ASPH: variants seen among roughly 807,000 people sequenced by gnomAD.
ASPH encodes the protein aspartyl/asparaginyl beta-hydroxylase.
Under a neutral mutation model 118.4 loss-of-function variants are expected in ASPH, and 100 were observed. The observed-to-expected ratio is 0.84, with a 90% CI of 0.72 to 1.00. ASPH has a LOEUF of 1.00. Among genes scored for constraint, ASPH ranks in the 50% least tolerant of loss-of-function variants. ASPH has a pLI of 0.00. For missense variants in ASPH, 920 were observed against 919.5 expected (o/e 1.00, Z -0.01); for synonymous variants, 315 against 325.6 (o/e 0.97, Z 0.35).
chr8:61,598,135 A>G (rs893216378), intron 14 of ASPH, among the ~76,000 whole-genome samples: 2 of 152,246 alleles, frequency 1.3e-5, no homozygotes, highest in African/African-American at 4.8e-5. Context: ...ACCTATCAAT[A>G]GTAACCTTGA....
intron 13 of ASPH, chr8:61,625,131 A>G (rs942313818): frequency 1.0e-6 from 1 of 985,734 alleles, no homozygotes. Flanking sequence ...ATAGTTGCTC[A>G]TGGTCCTTTC....
At chr8:61,558,860 A>G (rs1314051868) in intron 18 of ASPH, among the ~76,000 whole-genome samples, 3 of 152,178 alleles carry the variant, frequency 2.0e-5, no homozygotes, top group African/African-American at 7.2e-5. Flanking sequence ...TTTGAAATGC[A>G]TGGATTATCT....
intron 13 of ASPH, among the ~76,000 whole-genome samples, chr8:61,632,228 A>T (rs956503979): frequency 6.6e-6 from 1 of 152,170 alleles, no homozygotes; most frequent in Non-Finnish European, 1.5e-5. Flanking sequence ...TTCCAAATAA[A>T]CTATTGGGTT....
intron 21 of ASPH, among the ~76,000 whole-genome samples, chr8:61,529,996 C>T (rs890843120): frequency 1.3e-5 from 2 of 152,206 alleles, no homozygotes; most frequent in African/African-American, 2.4e-5. Context: ...GAGACACAAA[C>T]ATTCAGACCA....
At chr8:61,649,743 C>T (rs1456848531) in intron 5 of ASPH, among the ~76,000 whole-genome samples, 8 of 151,910 alleles carry the variant, frequency 5.3e-5, no homozygotes, top group African/African-American at 1.5e-4. Context: ...TCCTGAATCA[C>T]TGTTACCTGC....
intron 13 of ASPH, among the ~76,000 whole-genome samples, chr8:61,620,522 T>C (rs1346549310): frequency 1.3e-5 from 2 of 151,936 alleles, no homozygotes; most frequent in Non-Finnish European, 2.9e-5. Context: ...CTTGGTAGAA[T>C]GTTCTAGAAT....
intron 7 of ASPH, 61 bp from the exon 8 acceptor site, chr8:61,644,062 AAACCAGAAAGACAC>A: frequency 7.8e-7 from 1 of 1,282,104 alleles, no homozygotes; most frequent in African/African-American, 1.5e-5. Context: ...GTAATATTCG[AAACCAGAAAGACAC>A]AATTTCTAGT....
At chr8:61,650,103 T>C (rs928278166) in intron 5 of ASPH, among the ~76,000 whole-genome samples, 23 of 152,194 alleles carry the variant, frequency 1.5e-4, no homozygotes, top group African/African-American at 5.5e-4. Context: ...CTTACCCCAT[T>C]ATATTTAAAT....
At chr8:61,507,059 T>A (rs1035112123) in intron 24 of ASPH, among the ~76,000 whole-genome samples, 7 of 152,204 alleles carry the variant, frequency 4.6e-5, no homozygotes, top group African/African-American at 1.4e-4. Context: ...TTTCACTAGA[T>A]TATGATACGT....
chr8:61,517,612 C>T lies in ASPH; in HGVS notation c.2042G>A (p.Gly681Glu). ...CATTCGGAGCCTGCAGTTTGTGGGC[C>T]CTGTGTGCGGCCACACGTGAGTCCC... Reference protein sequence around the residue: ...HPGTHVWPHTGPTNCRLRMHL... With the variant: ...HPGTHVWPHTEPTNCRLRMHL... Residue 681 changes from glycine (G) to glutamate (E), a missense_variant, in exon 24 of 25, where the codon GGG becomes GAG. By Grantham distance (98) the Gly-to-Glu change is moderately conservative (BLOSUM62 -2). Transcript: ENST00000379454. 1.2e-6 allele frequency: 2 copies of T among 1,613,998 alleles called. No individual in the cohort carries two copies. Among genetic ancestry groups the T allele is most frequent in the Non-Finnish European group, 1.7e-6 (2 of 1,179,942 alleles).
intron 11 of ASPH, 151 bp from the exon 12 acceptor site, chr8:61,638,154 A>G: frequency 2.6e-6 from 3 of 1,143,116 alleles, no homozygotes; most frequent in Non-Finnish European, 3.7e-6. Flanking sequence ...TCTGCAGAGT[A>G]TTTATATTAG....
chr8:61,703,161 T>C (rs1835691603), intron 1 of ASPH, among the ~76,000 whole-genome samples: 4 of 152,182 alleles, frequency 2.6e-5, no homozygotes, highest in African/African-American at 9.6e-5. Flanking sequence ...GAAAAGCATC[T>C]ACAAAACACC....
At chr8:61,638,140 G>T (rs1346494160) in intron 11 of ASPH, 137 bp from the exon 12 acceptor site, 14 of 1,137,454 alleles carry the variant, frequency 1.2e-5, no homozygotes, top group Non-Finnish European at 1.7e-5. Context: ...TTTAAACTGG[G>T]TCTTCTGCAG....
chr8:61,638,230 C>G, intron 11 of ASPH, 92 bp downstream of exon 11: 1 of 1,470,108 alleles, frequency 6.8e-7, no homozygotes, highest in Non-Finnish European at 9.3e-7. Context: ...TGCATTTTTT[C>G]TACACTGACT....
rs527844434 is a variant in ASPH, at chr8:61,546,159, T to C, written c.1764+1912A>G. 5.7e-4 allele frequency among the ~76,000 whole-genome samples: 87 copies of C among 152,330 alleles called. 1 individual carries two copies. The Middle Eastern group carries it at 0.027, about 48-fold the overall frequency. On this transcript the variant is annotated intron_variant, in intron 21 of 24. Coordinates refer to ENST00000379454, the MANE Select transcript of ASPH (RefSeq NM_004318.4). ...TTCCAGTGGCTGCTGGCAGCCATCC[T>C]GCAGTCAGCCAGCACAAGGACAAAG...
At chr8:61,539,699 G>GGTGCGTGTGTGTGTGTGTGT (rs1554618409) in intron 21 of ASPH, among the ~76,000 whole-genome samples, 1 of 124,214 alleles carries the variant, frequency 8.1e-6, no homozygotes, top group Non-Finnish European at 1.7e-5. Flanking sequence ...ACACTTCTGG[G>GGTGCGTGTGTGTGTGTGTGT]GTGTGTGTGT....
intron 24 of ASPH, among the ~76,000 whole-genome samples, chr8:61,516,218 C>A (rs1353360891): frequency 6.6e-6 from 1 of 152,188 alleles, no homozygotes; most frequent in African/African-American, 2.4e-5. Context: ...TTAAAAACCA[C>A]CACTCTGCAA....
At chr8:61,536,545 G>A (rs1819685329) in intron 21 of ASPH, among the ~76,000 whole-genome samples, 1 of 152,186 alleles carries the variant, frequency 6.6e-6, no homozygotes, top group Non-Finnish European at 1.5e-5. Flanking sequence ...GTTGGCCTAA[G>A]GAAGCTAGAA....
chr8:61,609,110 G>A (rs1383043647), intron 14 of ASPH, among the ~76,000 whole-genome samples: 1 of 152,206 alleles, frequency 6.6e-6, no homozygotes, highest in Non-Finnish European at 1.5e-5. Context: ...TACACCACGA[G>A]TGCGGCTGCT....
Sources: gnomAD v4.1 joint callset for allele counts (sites outside exome capture counted in the v4.1 genomes callset) on GRCh38, gnomAD v4.1.1 for gene constraint, MANE v1.5 for transcripts, NCBI Gene and HGNC (gene_info 2026-07-23, HGNC 2026-07-21) for gene names.